GRM5: variants seen among roughly 807,000 people sequenced by gnomAD.
GRM5 encodes the protein glutamate metabotropic receptor 5, also known as metabotropic glutamate receptor 5.
GRM5 carries 19 observed loss-of-function variants against 83.1 expected under a neutral mutation model. That is an observed-to-expected ratio of 0.23 (90% CI 0.16 to 0.34). GRM5 has a LOEUF of 0.34. Among genes scored for constraint, GRM5 ranks in the 10% least tolerant of loss-of-function variants. The pLI is 1.00. For missense variants in GRM5, 1,160 were observed against 1,588.3 expected (o/e 0.73, Z 4.58); for synonymous variants, 675 against 633.6 (o/e 1.07, Z -0.98).
At chr11:89,055,112 T>C (rs1476287578) in intron 1 of GRM5, among the ~76,000 whole-genome samples, 1 of 152,348 alleles carries the variant, frequency 6.6e-6, no homozygotes, top group East Asian at 1.9e-4. Flanking sequence ...TTTATTCCAA[T>C]GGCTTTGCAC....
chr11:88,544,299 TCATAA>T (rs1215091284), intron 8 of GRM5, among the ~76,000 whole-genome samples: 1 of 152,190 alleles, frequency 6.6e-6, no homozygotes, highest in Non-Finnish European at 1.5e-5. Context: ...ATTGCTTGGG[TCATAA>T]CATTCACTGA....
At chr11:88,622,974 A>G (rs1396091261) in intron 4 of GRM5, among the ~76,000 whole-genome samples, 1 of 152,220 alleles carries the variant, frequency 6.6e-6, no homozygotes, top group Admixed American at 6.5e-5. Flanking sequence ...ATTTGATGGG[A>G]GCATAAAATG....
chr11:89,062,372 G>GT (rs1437970793), intron 1 of GRM5, among the ~76,000 whole-genome samples: 1 of 152,198 alleles, frequency 6.6e-6, no homozygotes, highest in Admixed American at 6.5e-5. Flanking sequence ...TGGAGGAAGG[G>GT]CTGCACGTAG....
intron 3 of GRM5, among the ~76,000 whole-genome samples, chr11:88,773,159 G>A (rs1033128747): frequency 1.3e-5 from 2 of 152,160 alleles, no homozygotes; most frequent in African/African-American, 4.8e-5. Flanking sequence ...GCATGAGATG[G>A]TATCTCATTG....
In GRM5 at chr11:88,567,874, A is replaced by G. The variant is rs757089653; in HGVS notation, c.1809T>C (p.Ile603=). The G allele has an allele frequency of 4.3e-6, 7 of 1,613,738 alleles. No individual in the cohort carries two copies. Among genetic ancestry groups the G allele is most frequent in the Non-Finnish European group, 5.1e-6 (6 of 1,179,726 alleles). ...ATLFVTVVFI[I]YRDTPVVKSS... ...ACTTGACTACTGGTGTATCACGGTA[A>G]ATGATGAAGACTACAGTAACAAACA... Residue 603 remains isoleucine, a synonymous_variant, in exon 8 of 10, where the codon ATT becomes ATC. Transcript: ENST00000305447. This position sits in a 1 kb window ranked among gnomAD's most constrained non-coding sequence, Gnocchi z 7.3.
intron 3 of GRM5, among the ~76,000 whole-genome samples, chr11:88,847,060 C>G (rs1465997438): frequency 6.6e-6 from 1 of 152,112 alleles, no homozygotes; most frequent in African/African-American, 2.4e-5. Flanking sequence ...TTGGAGGTAT[C>G]AGTTTCCTCA....
chr11:88,805,009 A>G (rs1943474563), intron 3 of GRM5, among the ~76,000 whole-genome samples: 1 of 152,170 alleles, frequency 6.6e-6, no homozygotes, highest in African/African-American at 2.4e-5. Flanking sequence ...CAAAAGCTTG[A>G]TTGTAATAAA....
Position 88,814,511 on chromosome 11 carries a change from T to C in GRM5, c.911+35395A>G, listed in dbSNP as rs375468030. The stretch of plus-strand genomic sequence containing the variant: ...CCATAAATCTAAGTAGGAAGTCTTA[T>C]AATTCACAGACACAGTAGAATACTC... On this transcript the variant is annotated intron_variant, in intron 3 of 9. Transcript: ENST00000305447. Among the ~76,000 whole-genome samples, 57 of 152,208 alleles carry C rather than the reference T, an allele frequency of 3.7e-4. 1 individual carries two copies. Among genetic ancestry groups the C allele is most frequent in the East Asian group, 3.1e-3 (16 of 5,184 alleles).
chr11:88,779,463 C>T (rs892967258), intron 3 of GRM5, among the ~76,000 whole-genome samples: 17 of 152,238 alleles, frequency 1.1e-4, no homozygotes, highest in Non-Finnish European at 2.2e-4. Flanking sequence ...GGAGCACCGT[C>T]GAGTCTAGAT....
intron 2 of GRM5, among the ~76,000 whole-genome samples, chr11:88,854,973 T>A (rs1403845318): frequency 6.6e-6 from 1 of 151,840 alleles, no homozygotes; most frequent in Non-Finnish European, 1.5e-5. Context: ...CACTTTAAGA[T>A]AAAGATAATA....
intron 3 of GRM5, among the ~76,000 whole-genome samples, chr11:88,730,022 T>A (rs61905206): frequency 0.12 from 18,706 of 152,062 alleles, 1,519 homozygotes; most frequent in Middle Eastern, 0.19. Context: ...AAGCCAAAAT[T>A]GACAAATGGG....
chr11:88,680,857 G>C (rs569870524), intron 3 of GRM5, among the ~76,000 whole-genome samples: 1 of 152,078 alleles, frequency 6.6e-6, no homozygotes, highest in East Asian at 1.9e-4. Flanking sequence ...ATTACATAAG[G>C]AATATGGAGA....
At chr11:88,518,895 T>C (rs1010208440) in intron 9 of GRM5, among the ~76,000 whole-genome samples, 23 of 151,104 alleles carry the variant, frequency 1.5e-4, no homozygotes, top group African/African-American at 4.9e-4. Flanking sequence ...CCAGGCACTT[T>C]TATTGAGTGG....
At chr11:88,886,463 G>C (rs1036812216) in intron 2 of GRM5, among the ~76,000 whole-genome samples, 18 of 152,088 alleles carry the variant, frequency 1.2e-4, no homozygotes, top group African/African-American at 4.3e-4. Context: ...AAAATAATTA[G>C]CATGGCTGCC....
chr11:88,718,740 A>AT (rs908166429), intron 3 of GRM5, among the ~76,000 whole-genome samples: 2 of 151,732 alleles, frequency 1.3e-5, no homozygotes, highest in African/African-American at 2.4e-5. Context: ...TCTGCATGAA[A>AT]TTTTTCTATA....
chr11:88,880,181 C>T (rs779034833), intron 2 of GRM5, among the ~76,000 whole-genome samples: 22 of 151,198 alleles, frequency 1.5e-4, no homozygotes, highest in African/African-American at 2.4e-4. Flanking sequence ...CAACAAAGAA[C>T]GCTATGAGGC....
intron 3 of GRM5, 60 bp downstream of exon 3, chr11:88,849,846 C>T (rs549109767): frequency 2.0e-5 from 30 of 1,494,680 alleles, no homozygotes; most frequent in Non-Finnish European, 2.8e-5. Flanking sequence ...TAAAAGCTAC[C>T]CTTCAGTGCT....
At position 88,973,852 on chromosome 11, in the gene GRM5, T is replaced by C. The variant is rs1939242780; in HGVS notation, c.661+73360A>G. ...GTGAAAGTTATACAACAGGTCCCTATATTTTTTCAATTTCTATGTAAATTT... is the reference window on the plus strand; with the variant it reads ...GTGAAAGTTATACAACAGGTCCCTACATTTTTTCAATTTCTATGTAAATTT... On this transcript the variant is annotated intron_variant, in intron 2 of 9. Coordinates refer to ENST00000305447, the MANE Select transcript of GRM5 (RefSeq NM_001143831.3). Among the ~76,000 whole-genome samples the C allele has an allele frequency of 2.0e-5, 3 of 152,178 alleles. No individual in the cohort carries two copies. The South Asian group carries it at 6.2e-4, about 32-fold the overall frequency.
intron 2 of GRM5, among the ~76,000 whole-genome samples, chr11:88,912,767 A>AAAAC (rs1384408543): frequency 1.3e-5 from 2 of 152,216 alleles, no homozygotes; most frequent in Non-Finnish European, 2.9e-5. Flanking sequence ...AACTTATTTT[A>AAAAC]AAACAAACAA....
Sources: allele counts gnomAD v4.1 joint callset (sites outside exome capture counted in the v4.1 genomes callset), GRCh38; gene constraint gnomAD v4.1.1; non-coding constraint Gnocchi (gnomAD v3.1); transcripts MANE v1.5; gene names NCBI Gene and HGNC (gene_info 2026-07-23, HGNC 2026-07-21).